Variants in ACOXL observed in about 807,000 individuals in gnomAD.
The protein encoded by ACOXL is acyl-CoA oxidase like.
Under a neutral mutation model 71.9 loss-of-function variants are expected in ACOXL, and 70 were observed. The ratio of observed to expected loss-of-function variants is 0.97; its 90% CI spans 0.80 to 1.19. ACOXL has a LOEUF of 1.19. Ranked by LOEUF, ACOXL falls within the 50% of genes most tolerant of loss-of-function variation. The pLI is 0.00. For missense variants in ACOXL, 703 were observed against 736.3 expected (o/e 0.95, Z 0.52); for synonymous variants, 253 against 281.6 (o/e 0.90, Z 1.02).
chr2:110,994,280 A>G (rs1329337271), intron 13 of ACOXL, among the ~76,000 whole-genome samples: 1 of 152,198 alleles, frequency 6.6e-6, no homozygotes, highest in Non-Finnish European at 1.5e-5. Flanking sequence ...CAGAATAAAC[A>G]TTGACATCTT....
At chr2:111,066,970 C>G (rs1246129647) in intron 16 of ACOXL, among the ~76,000 whole-genome samples, 2 of 152,070 alleles carry the variant, frequency 1.3e-5, no homozygotes, top group African/African-American at 4.8e-5. Flanking sequence ...TCTTACCAAG[C>G]CATGAAAAAA....
At chr2:111,050,262 T>TA (rs376587703) in intron 16 of ACOXL, among the ~76,000 whole-genome samples, 37 of 144,320 alleles carry the variant, frequency 2.6e-4, no homozygotes, top group South Asian at 6.7e-4. Context: ...TTTTGGTCTT[T>TA]AAAAAAAAAA....
intron 14 of ACOXL, among the ~76,000 whole-genome samples, chr2:111,020,186 T>C (rs1050603395): frequency 6.6e-6 from 1 of 152,208 alleles, no homozygotes; most frequent in Admixed American, 6.5e-5. Context: ...TGCTCCCACC[T>C]GGTGCATCCA....
chr2:110,735,397 A>G (rs557591246), intron 1 of ACOXL, among the ~76,000 whole-genome samples: 86 of 152,222 alleles, frequency 5.6e-4, no homozygotes, highest in African/African-American at 1.9e-3. Flanking sequence ...GGTGTAGGGG[A>G]GAGGGTTGTG....
intron 2 of ACOXL, 136 bp downstream of exon 2, chr2:110,768,600 G>A: frequency 4.0e-6 from 3 of 742,392 alleles, no homozygotes; most frequent in Non-Finnish European, 6.5e-6. Flanking sequence ...TGTTACATGG[G>A]TAAATTGCGT....
chr2:111,040,465 C>T (rs1436410812), intron 15 of ACOXL, among the ~76,000 whole-genome samples: 2 of 152,134 alleles, frequency 1.3e-5, no homozygotes, highest in Admixed American at 6.5e-5. Context: ...CCCTTCTCGC[C>T]CCATATTTGT....
At chr2:110,880,466 A>G (rs539983976) in intron 10 of ACOXL, among the ~76,000 whole-genome samples, 3 of 152,284 alleles carry the variant, frequency 2.0e-5, no homozygotes, top group South Asian at 2.1e-4. Flanking sequence ...TTATGTAACA[A>G]TCCTTCTACT....
intron 1 of ACOXL, among the ~76,000 whole-genome samples, chr2:110,747,603 G>T (rs1463837543): frequency 2.0e-5 from 3 of 152,212 alleles, no homozygotes; most frequent in African/African-American, 4.8e-5. Flanking sequence ...TTTCCTGGAG[G>T]TTGGGACCCT....
chr2:110,740,193 T>TG (rs1408435952), intron 1 of ACOXL, among the ~76,000 whole-genome samples: 1 of 152,242 alleles, frequency 6.6e-6, no homozygotes, highest in African/African-American at 2.4e-5. Context: ...GTGATGCCGA[T>TG]GGGACAGAGG....
At position 110,797,466 on chromosome 2, in the gene ACOXL, G is replaced by A. The variant is rs566337646; in HGVS notation, c.346-1144G>A. 2.6e-5 allele frequency among the ~76,000 whole-genome samples: 4 copies of A among 152,318 alleles called. No individual in the cohort carries two copies. In the East Asian group the frequency reaches 7.7e-4, roughly 29 times the overall value. ...AAATAGAGAGACATTTTCAAAGGTT[G>A]AAATGAGGGATTTCTTTTTATAAAA... On this transcript the variant is annotated intron_variant, in intron 5 of 17. Coordinates refer to ENST00000439055, the MANE Select transcript of ACOXL (RefSeq NM_001142807.4).
chr2:110,807,708 C>T (rs1045121197), intron 9 of ACOXL, among the ~76,000 whole-genome samples: 5 of 152,188 alleles, frequency 3.3e-5, no homozygotes, highest in East Asian at 1.9e-4. Flanking sequence ...TCATCTCCAG[C>T]GTCTCTGGTG....
At chr2:110,828,300 A>T (rs1689405639) in intron 9 of ACOXL, among the ~76,000 whole-genome samples, 1 of 152,156 alleles carries the variant, frequency 6.6e-6, no homozygotes, top group Non-Finnish European at 1.5e-5. Flanking sequence ...AGATATTTAC[A>T]TTATTTCAAT....
At chr2:110,917,192 CA>C (rs2059893383) in intron 11 of ACOXL, among the ~76,000 whole-genome samples, 1 of 152,192 alleles carries the variant, frequency 6.6e-6, no homozygotes, top group South Asian at 2.1e-4. Flanking sequence ...AGCAGCACAT[CA>C]AAAACCTTAT....
At chr2:110,794,043 G>A (rs1443617200) in intron 4 of ACOXL, 33 bp from the exon 5 acceptor site, 1 of 1,607,474 alleles carries the variant, frequency 6.2e-7, no homozygotes, top group Non-Finnish European at 8.5e-7. Context: ...TGCCTGACCA[G>A]CTAATTCCCT....
intron 12 of ACOXL, among the ~76,000 whole-genome samples, chr2:110,978,791 T>C (rs1242354109): frequency 6.9e-6 from 1 of 144,850 alleles, no homozygotes; most frequent in Non-Finnish European, 1.5e-5. Flanking sequence ...TGCACGATGC[T>C]CAAGTTGTAA....
At chr2:111,089,639 T>C (rs1323354627) in intron 16 of ACOXL, among the ~76,000 whole-genome samples, 3 of 152,212 alleles carry the variant, frequency 2.0e-5, no homozygotes, top group Admixed American at 2.0e-4. Flanking sequence ...TATATATGTA[T>C]GTATGGGTTA....
chr2:111,069,417 G>T (rs2149919725), intron 16 of ACOXL, among the ~76,000 whole-genome samples: 1 of 152,246 alleles, frequency 6.6e-6, no homozygotes, highest in East Asian at 1.9e-4. Flanking sequence ...CTTCCAAAGT[G>T]CTGGGATTAC....
At chr2:110,776,148 C>G (rs919025520) in intron 2 of ACOXL, among the ~76,000 whole-genome samples, 2 of 152,150 alleles carry the variant, frequency 1.3e-5, no homozygotes, top group African/African-American at 4.8e-5. Context: ...AGACGTTATG[C>G]TGAGTGAAAC....
chr2:110,899,515 A>G (rs1053482728), intron 10 of ACOXL, among the ~76,000 whole-genome samples: 1 of 152,070 alleles, frequency 6.6e-6, no homozygotes, highest in African/African-American at 2.4e-5. Context: ...TCCAGAGAGG[A>G]TTGGCCCTCT....
Sources: gnomAD v4.1 joint callset for allele counts (sites outside exome capture counted in the v4.1 genomes callset) on GRCh38, gnomAD v4.1.1 for gene constraint, MANE v1.5 for transcripts, NCBI Gene and HGNC (gene_info 2026-07-23, HGNC 2026-07-21) for gene names.